Variants in CHRNA1 observed in about 807,000 individuals in gnomAD.
CHRNA1 encodes the protein cholinergic receptor nicotinic alpha 1 subunit.
Under a neutral mutation model 47.1 loss-of-function variants are expected in CHRNA1, and 35 were observed. That is an observed-to-expected ratio of 0.74 (90% CI 0.57 to 0.99). CHRNA1 has a LOEUF of 0.99. Ranked by LOEUF, CHRNA1 falls within the 50% of genes least tolerant of loss-of-function variation. The pLI is 0.00. For synonymous variants in CHRNA1, 229 were observed against 223.6 expected, an observed-to-expected ratio of 1.02 and a Z score of -0.22; for missense variants, 506 against 591.1, an observed-to-expected ratio of 0.86 and a Z score of 1.49.
In CHRNA1 at chr2:174,757,580, A is replaced by G. The variant is rs763984762; in HGVS notation, c.330T>C (p.Leu110=). 19 of 1,614,024 alleles carry G rather than the reference A, an allele frequency of 1.2e-5. No homozygotes were observed. The highest frequency in any genetic ancestry group is 1.6e-5 in the Non-Finnish European group (19 of 1,179,888). Residue 110 remains leucine, a synonymous_variant, in exon 4 of 9, where the codon CTT becomes CTC. Coordinates refer to ENST00000348749, the MANE Select transcript of CHRNA1 (RefSeq NM_000079.4). The part of the protein sequence containing the change: ...IPSEKIWRPD[L]VLYNNADGDF... Reference sequence around the variant, plus strand: ...AGTTTGCTCACTTGTTATAGAGAACAAGGTCTGGGCGCCAGATCTTTTCTG... The same window carrying G: ...AGTTTGCTCACTTGTTATAGAGAACGAGGTCTGGGCGCCAGATCTTTTCTG...
chr2:174,753,527 C>T lies in CHRNA1; in HGVS notation c.754G>A (p.Val252Ile). The T allele has an allele frequency of 1.9e-6, 3 of 1,614,098 alleles. No homozygotes were observed. Among genetic ancestry groups the T allele is most frequent in the Non-Finnish European group, 2.5e-6 (3 of 1,180,012 alleles). ...CLLFSFLTGL[V>I]FYLPTDSGEK... The stretch of plus-strand genomic sequence containing the variant: ...CCTGAGTCTGTGGGCAGGTAGAATA[C>T]CAGGCCAGTTAAGAAGGAGAAGAGC... Residue 252 changes from valine to isoleucine, a missense_variant, in exon 6 of 9, where the codon GTA becomes ATA. Transcript: ENST00000348749.
intron 1 of CHRNA1, 23 bp downstream of exon 1, chr2:174,764,329 C>A (rs1449931336): frequency 1.9e-6 from 3 of 1,611,200 alleles, no homozygotes; most frequent in African/African-American, 2.7e-5. Flanking sequence ...AGCCCTCTCC[C>A]CACCCCTGAC....
intron 1 of CHRNA1, among the ~76,000 whole-genome samples, chr2:174,763,297 G>A: frequency 6.7e-6 from 1 of 148,212 alleles, no homozygotes; most frequent in South Asian, 2.2e-4. Flanking sequence ...TGTGACTGTG[G>A]TTTTGCGTGC....
At chr2:174,754,762 ATCT>A (rs1353875468) in intron 4 of CHRNA1, among the ~76,000 whole-genome samples, 1 of 151,994 alleles carries the variant, frequency 6.6e-6, no homozygotes, top group African/African-American at 2.4e-5. Context: ...TGTAATGTTA[ATCT>A]TCATCTATCA....
Position 174,748,735 on chromosome 2 carries a change from T to TA in CHRNA1, c.1086dup (p.Thr363TyrfsTer5). ...ATGTCAGAGATATCAATGTCTTCTG[T>TA]AAAAATCTTTTTGTCTTGCTTTTCT... is the stretch of plus-strand genomic sequence containing the variant. On this transcript the variant is annotated frameshift_variant, in exon 8 of 9. Transcript: ENST00000348749. LOFTEE classifies it high-confidence loss of function. 4 of 1,614,226 alleles carry TA rather than the reference T, an allele frequency of 2.5e-6. No homozygotes were observed. The highest frequency in any genetic ancestry group is 3.4e-6 in the Non-Finnish European group (4 of 1,180,042).
At chr2:174,760,755 G>T (rs1286659187) in intron 1 of CHRNA1, among the ~76,000 whole-genome samples, 4 of 152,270 alleles carry the variant, frequency 2.6e-5, no homozygotes, top group African/African-American at 9.6e-5. Context: ...ATCACTGCTG[G>T]CAGGTCCATG....
In CHRNA1 at chr2:174,758,020, C is replaced by G. The variant is rs754725514; in HGVS notation, c.235-345G>C. ...GGGCGTGGCAGATCTACCATGTCACCCTGTCCACCCACAGAAAAGGAGAAA... is the reference window on the plus strand; with the variant it reads ...GGGCGTGGCAGATCTACCATGTCACGCTGTCCACCCACAGAAAAGGAGAAA... On this transcript the variant is annotated intron_variant, in intron 3 of 8. Transcript: ENST00000348749. The G allele has an allele frequency of 6.8e-6, 11 of 1,614,094 alleles. No homozygotes were observed. The South Asian group carries it at 1.2e-4, about 18-fold the overall frequency.
At chr2:174,755,570 C>G (rs1025698231) in intron 4 of CHRNA1, among the ~76,000 whole-genome samples, 1 of 152,082 alleles carries the variant, frequency 6.6e-6, no homozygotes, top group African/African-American at 2.4e-5. Flanking sequence ...AGGCGCCCAC[C>G]ACCACGCCCA....
chr2:174,759,287 G>A, intron 3 of CHRNA1, 44 bp downstream of exon 3: 1 of 1,595,798 alleles, frequency 6.3e-7, no homozygotes, highest in Non-Finnish European at 8.6e-7. Flanking sequence ...TTTAATTTCA[G>A]TGTGAATGAA....
At position 174,754,307 on chromosome 2, in the gene CHRNA1, A is replaced by G. The variant is rs554434466; in HGVS notation, c.452T>C (p.Ile151Thr). ...PAIFKSYCEI[I>T]VTHFPFDEQN... is the part of the protein sequence containing the mutation. ...TTCATCAAAGGGAAAGTGGGTGACG[A>G]TGATCTCACAGTAGCTTTTAAAGAT... The change falls in exon 5 of 9, where the codon ATC becomes ACC. Residue 151 changes from isoleucine (I) to threonine (T), a missense_variant. Coordinates refer to ENST00000348749, the MANE Select transcript of CHRNA1 (RefSeq NM_000079.4). The G allele has an allele frequency of 1.2e-6, 2 of 1,614,224 alleles. No individual in the cohort carries two copies. Among genetic ancestry groups the G allele is most frequent in the East Asian group, 2.2e-5 (1 of 44,890 alleles).
At chr2:174,748,498 T>G (rs1046988691) in intron 8 of CHRNA1, 82 bp downstream of exon 8, 4 of 1,545,076 alleles carry the variant, frequency 2.6e-6, no homozygotes, top group Non-Finnish European at 3.5e-6. Flanking sequence ...TGCCACCTAC[T>G]TGTTAAGTCA....
chr2:174,760,212 C>A (rs548647842), intron 1 of CHRNA1, among the ~76,000 whole-genome samples: 1 of 152,088 alleles, frequency 6.6e-6, no homozygotes, highest in Non-Finnish European at 1.5e-5. Context: ...AGGTACCATA[C>A]GATCCAGCAA....
intron 7 of CHRNA1, 99 bp from the exon 8 acceptor site, chr2:174,748,918 C>A: frequency 6.6e-7 from 1 of 1,517,830 alleles, no homozygotes; most frequent in Non-Finnish European, 8.9e-7. Context: ...GTAAGTCATT[C>A]AGTTTTTCTG....
At chr2:174,755,725 A>AT (rs1195446693) in intron 4 of CHRNA1, among the ~76,000 whole-genome samples, 1 of 152,088 alleles carries the variant, frequency 6.6e-6, no homozygotes, top group Non-Finnish European at 1.5e-5. Context: ...TGAAACGTAG[A>AT]TTTTTTTAAA....
intron 4 of CHRNA1, among the ~76,000 whole-genome samples, chr2:174,755,978 A>G (rs533348748): frequency 6.6e-6 from 1 of 152,024 alleles, no homozygotes; most frequent in African/African-American, 2.4e-5. Context: ...CAAGGTTGCA[A>G]TGAGCTATGA....
intron 1 of CHRNA1, 131 bp downstream of exon 1, chr2:174,764,221 A>G: frequency 1.1e-5 from 10 of 915,852 alleles, no homozygotes. Context: ...AGAAACTGAC[A>G]GAGCAGCCCC....
At chr2:174,748,485 G>A in intron 8 of CHRNA1, 95 bp downstream of exon 8, 5 of 1,507,262 alleles carry the variant, frequency 3.3e-6, no homozygotes, top group Non-Finnish European at 4.5e-6. Context: ...GCTGCCTGTT[G>A]TATGCCACCT....
In CHRNA1 at chr2:174,750,006, G is replaced by A. The variant is rs200535960; in HGVS notation, c.942C>T (p.Ile314=). ...FVIASIIITV[I]VINTHHRSPS... is the part of the protein sequence containing the mutation. The stretch of plus-strand genomic sequence containing the variant: ...GTGAGCGGTGGTGTGTGTTGATGAC[G>A]ATGACAGTGATGATGATGGAGGCAA... The change falls in exon 7 of 9, where the codon ATC becomes ATT. Residue 314 remains isoleucine, a synonymous_variant. Coordinates refer to ENST00000348749, the MANE Select transcript of CHRNA1 (RefSeq NM_000079.4). 7.4e-6 allele frequency: 12 copies of A among 1,614,102 alleles called. No individual in the cohort carries two copies. Among genetic ancestry groups the A allele is most frequent in the Middle Eastern group, 1.6e-4 (1 of 6,062 alleles).
intron 7 of CHRNA1, 86 bp from the exon 8 acceptor site, chr2:174,748,905 G>T: frequency 6.4e-7 from 1 of 1,558,000 alleles, no homozygotes; most frequent in Non-Finnish European, 8.7e-7. Flanking sequence ...AATGTGATTT[G>T]GGGTAAGTCA....
Sources: gnomAD v4.1 joint callset for allele counts (sites outside exome capture counted in the v4.1 genomes callset) on GRCh38, gnomAD v4.1.1 for gene constraint, MANE v1.5 for transcripts, NCBI Gene and HGNC (gene_info 2026-07-23, HGNC 2026-07-21) for gene names.